MAP3K10: variants seen among roughly 807,000 people sequenced by gnomAD.
MAP3K10 encodes the protein mitogen-activated protein kinase kinase kinase 10.
In MAP3K10, 22 loss-of-function variants were observed where a neutral mutation model predicts 75.0. That is an observed-to-expected ratio of 0.29 (90% CI 0.21 to 0.42). The LOEUF (loss-of-function observed/expected upper bound fraction) is 0.42, where lower values mean the gene tolerates loss of function less well. MAP3K10 is among the 10% of genes least tolerant of loss of function. The probability of loss-of-function intolerance (pLI) is 1.00; values close to 1 mark genes in which losing one functional copy is unlikely to be tolerated. For synonymous variants in MAP3K10, 599 were observed against 612.9 expected, an observed-to-expected ratio of 0.98 and a Z score of 0.34; for missense variants, 1,165 against 1,379.8, an observed-to-expected ratio of 0.84 and a Z score of 2.47.
chr19:40,213,682 G>A lies in MAP3K10; in HGVS notation c.2003G>A (p.Arg668Gln). 9.0e-7 allele frequency: 1 copy of A among 1,105,512 alleles called. No homozygotes were observed. Among genetic ancestry groups the A allele is most frequent in the African/African-American group, 1.7e-5 (1 of 58,682 alleles). The allele number at this position is 1,105,512 out of a possible 1,614,324, so 68.5% of individuals were successfully genotyped here. A position where few individuals can be genotyped will look rare whatever the true frequency, so the allele number is the denominator to read the frequency against. ...CCCGCTCGGTGGGGACACGGCGCCC[G>A]GCGGCGCTGCGACCTGGCGCTGCTA... ...APPARWGHGA[R>Q]RRCDLALLGC... Residue 668 changes from arginine to glutamine, a missense_variant, in exon 9 of 10, where the codon CGG becomes CAG. Arg to Gln is a conservative substitution (Grantham distance 43). Around this residue, in one of 2 missense-constraint regions of MAP3K10, gnomAD observed 590 missense variants for 586.6 expected, o/e 1.01. Transcript: ENST00000253055. This position sits in a 1 kb window ranked among gnomAD's most constrained non-coding sequence, Gnocchi z 5.7.
rs1300576551 is a variant in MAP3K10, at chr19:40,191,472, G to A, written c.-560G>A. On this transcript the variant is annotated 5_prime_UTR_variant, in exon 1 of 10. Transcript: ENST00000253055. ...GCCCGGGGAAGCAGCACGGGCGGGGGGCAGGGGCTGGGGCCGACCGGGAGG... is the reference window on the plus strand; with the variant it reads ...GCCCGGGGAAGCAGCACGGGCGGGGAGCAGGGGCTGGGGCCGACCGGGAGG... Among the ~76,000 whole-genome samples, 4 of 151,368 alleles carry A rather than the reference G, an allele frequency of 2.6e-5. No individual in the cohort carries two copies. The highest frequency in any genetic ancestry group is 4.4e-5 in the Non-Finnish European group (3 of 67,772).
In MAP3K10 at chr19:40,198,266, C is replaced by T; in HGVS notation, c.683-109C>T. The T allele has an allele frequency of 9.3e-7, 1 of 1,079,386 alleles. No individual in the cohort carries two copies. The highest frequency in any genetic ancestry group is 1.6e-5 in the African/African-American group (1 of 63,704). 66.9% of individuals were successfully genotyped at this position (1,079,386 alleles called of 1,614,324 possible). On this transcript the variant is annotated intron_variant, in intron 1 of 9. Transcript: ENST00000253055. The surrounding 1 kb of genome is among the most constrained non-coding windows in gnomAD (Gnocchi z 4.3). The stretch of plus-strand genomic sequence containing the variant: ...AGGACCTGCCACAGAGCGGGGCAGC[C>T]TGAGGCAGTGAGAGGAAAGACGTGT...
Position 40,213,938 on chromosome 19 carries a change from C to A in MAP3K10, c.2259C>A (p.Ser753=). Residue 753 remains serine (S), a synonymous_variant, in exon 9 of 10, where the codon TCC becomes TCA. Coordinates refer to ENST00000253055, the MANE Select transcript of MAP3K10 (RefSeq NM_002446.4). This position sits in a 1 kb window ranked among gnomAD's most constrained non-coding sequence, Gnocchi z 5.7. The part of the protein sequence containing the change: ...SATLVSLSSV[S]DCNSTRSLLR... The stretch of plus-strand genomic sequence containing the variant: ...CCCTCGTGTCGCTGTCGTCCGTGTC[C>A]GACTGCAACTCCACGCGTTCACTGC... 3 of 1,530,032 alleles carry A rather than the reference C, an allele frequency of 2.0e-6. No homozygotes were observed. The highest frequency in any genetic ancestry group is 2.6e-6 in the Non-Finnish European group (3 of 1,146,370). 94.8% of individuals were successfully genotyped at this position (1,530,032 alleles called of 1,614,324 possible). A position where few individuals can be genotyped will look rare whatever the true frequency, so the allele number is the denominator to read the frequency against.
chr19:40,205,465 GA>G lies in MAP3K10; in HGVS notation c.1188+174del. The stretch of plus-strand genomic sequence containing the variant: ...CAGCCTCCTGTTGGTGGATTAATAA[GA>G]AAAAGGCACCCTGTACTGAAGTACT... On this transcript the variant is annotated intron_variant, in intron 4 of 9. Coordinates refer to ENST00000253055, the MANE Select transcript of MAP3K10 (RefSeq NM_002446.4). The surrounding 1 kb of genome is among the most constrained non-coding windows in gnomAD (Gnocchi z 4.3). 3.0e-6 allele frequency: 2 copies of G among 669,948 alleles called. No homozygotes were observed. The highest frequency in any genetic ancestry group is 2.0e-5 in the South Asian group (1 of 49,628). The allele number at this position is 669,948 out of a possible 1,614,324, so 41.5% of individuals were successfully genotyped here.
Position 40,213,994 on chromosome 19 carries a change from CCG to C in MAP3K10, c.2319_2320del (p.Pro774LeufsTer77), listed in dbSNP as rs1477081019. The stretch of plus-strand genomic sequence containing the variant: ...TCTGACAGTGACGAGGCCGCACCGG[CCG>C]CGCCCTCCCCACCACCCTCCCCGCC... On this transcript the variant is annotated frameshift_variant, in exon 9 of 10. Transcript: ENST00000253055. LOFTEE classifies it high-confidence loss of function. The surrounding 1 kb of genome is among the most constrained non-coding windows in gnomAD (Gnocchi z 5.7). 6.6e-7 allele frequency: 1 copy of C among 1,525,484 alleles called. No homozygotes were observed. Among genetic ancestry groups the C allele is most frequent in the Non-Finnish European group, 8.8e-7 (1 of 1,142,340 alleles). 94.5% of individuals were successfully genotyped at this position (1,525,484 alleles called of 1,614,324 possible). A position where few individuals can be genotyped will look rare whatever the true frequency, so the allele number is the denominator to read the frequency against.
Position 40,212,728 on chromosome 19 carries a change from G to A in MAP3K10, c.1553-77G>A, listed in dbSNP as rs1973262588. 1 of 1,539,966 alleles carries A rather than the reference G, an allele frequency of 6.5e-7. No homozygotes were observed. The highest frequency in any genetic ancestry group is 1.4e-5 in the African/African-American group (1 of 72,918). On this transcript the variant is annotated intron_variant, in intron 6 of 9. Transcript: ENST00000253055. This position sits in a 1 kb window ranked among gnomAD's most constrained non-coding sequence, Gnocchi z 4.2. ...ACTCCCAGGCGGAGGGTGGGCCTGA[G>A]CTGGGGGCACTGGAGGCTGGGAGCC...
At position 40,212,205 on chromosome 19, in the gene MAP3K10, C is replaced by T. The variant is rs1376823200; in HGVS notation, c.1553-600C>T. 6.6e-6 allele frequency among the ~76,000 whole-genome samples: 1 copy of T among 152,148 alleles called. No individual in the cohort carries two copies. Among genetic ancestry groups the T allele is most frequent in the Non-Finnish European group, 1.5e-5 (1 of 68,016 alleles). ...CTTGGAAGGGACAGATGTCCACAGT[C>T]GGGGCTATATGGCAGAGACACGGTC... is the stretch of plus-strand genomic sequence containing the variant. On this transcript the variant is annotated intron_variant, in intron 6 of 9. Coordinates refer to ENST00000253055, the MANE Select transcript of MAP3K10 (RefSeq NM_002446.4). The surrounding 1 kb of genome is among the most constrained non-coding windows in gnomAD (Gnocchi z 4.2).
intron 1 of MAP3K10, among the ~76,000 whole-genome samples, chr19:40,195,154 A>G (rs1568486616): frequency 1.3e-5 from 2 of 152,146 alleles, no homozygotes; most frequent in Non-Finnish European, 2.9e-5. Context: ...GGCTGGCAGG[A>G]GCCAGATCAC....
chr19:40,213,886 C>G lies in MAP3K10; in HGVS notation c.2207C>G (p.Pro736Arg), dbSNP rs770902476. The stretch of plus-strand genomic sequence containing the variant: ...CACGGCCGCCGCGAAGACGTGGGCC[C>G]CGGCCTGGGCCTGGCGCCCTCGGCC... ...RPHGRREDVGPGLGLAPSATL... is the reference protein window; with the variant it reads ...RPHGRREDVGRGLGLAPSATL... Residue 736 changes from proline to arginine, a missense_variant, in exon 9 of 10, where the codon CCC becomes CGC. Coordinates refer to ENST00000253055, the MANE Select transcript of MAP3K10 (RefSeq NM_002446.4). This position sits in a 1 kb window ranked among gnomAD's most constrained non-coding sequence, Gnocchi z 5.7. 1.4e-6 allele frequency: 2 copies of G among 1,475,396 alleles called. No homozygotes were observed. The highest frequency in any genetic ancestry group is 1.3e-5 in the South Asian group (1 of 77,696). 91.4% of individuals were successfully genotyped at this position (1,475,396 alleles called of 1,614,324 possible).
chr19:40,208,086 T>C (rs549331585), intron 5 of MAP3K10, among the ~76,000 whole-genome samples: 36 of 152,260 alleles, frequency 2.4e-4, no homozygotes, highest in Admixed American at 2.0e-3. Context: ...AAAAAGTACA[T>C]ATACATACCC....
In MAP3K10 at chr19:40,213,466, G is replaced by A. The variant is rs1437563558; in HGVS notation, c.1838-51G>A. 3.8e-6 allele frequency: 6 copies of A among 1,595,644 alleles called. No individual in the cohort carries two copies. The highest frequency in any genetic ancestry group is 2.3e-5 in the East Asian group (1 of 44,082). On this transcript the variant is annotated intron_variant, in intron 8 of 9. Transcript: ENST00000253055. The surrounding 1 kb of genome is among the most constrained non-coding windows in gnomAD (Gnocchi z 5.7). ...GGGCTGTCCCTTGGCACAAGTCCCC[G>A]TGGGGCCCTGGCCAGCCCTGCAGCG...
rs1157299479 is a variant in MAP3K10, at chr19:40,212,459, A to G, written c.1553-346A>G. Among the ~76,000 whole-genome samples the G allele has an allele frequency of 6.6e-6, 1 of 152,194 alleles. No homozygotes were observed. Among genetic ancestry groups the G allele is most frequent in the Non-Finnish European group, 1.5e-5 (1 of 68,032 alleles). ...CAGAGCATTGCAGGTACAGAGATGAAGGCAGCTGACCCCCAGGGAACTAAC... is the reference window on the plus strand; with the variant it reads ...CAGAGCATTGCAGGTACAGAGATGAGGGCAGCTGACCCCCAGGGAACTAAC... On this transcript the variant is annotated intron_variant, in intron 6 of 9. Transcript: ENST00000253055. The surrounding 1 kb of genome is among the most constrained non-coding windows in gnomAD (Gnocchi z 4.2).
At chr19:40,202,775 G>C (rs1332532095) in intron 2 of MAP3K10, among the ~76,000 whole-genome samples, 2 of 151,940 alleles carry the variant, frequency 1.3e-5, no homozygotes, top group Non-Finnish European at 2.9e-5. Context: ...ACTCTTTCCC[G>C]GCCGGGCACC....
At position 40,215,283 on chromosome 19, in the gene MAP3K10, C is replaced by T; in HGVS notation, c.2856C>T (p.Gly952=). The stretch of plus-strand genomic sequence containing the variant: ...CAGTGCCCCTGTGCGGGGCCCACGG[C>T]TCCCACTAAGGCCTGCCCACCACCG... ...DSTVPLCGAH[G]SH The change falls in exon 10 of 10, where the codon GGC becomes GGT. Residue 952 remains glycine (G), a synonymous_variant. Transcript: ENST00000253055. 1 of 1,545,510 alleles carries T rather than the reference C, an allele frequency of 6.5e-7. No homozygotes were observed. Among genetic ancestry groups the T allele is most frequent in the South Asian group, 1.2e-5 (1 of 83,968 alleles).
At chr19:40,211,151 G>A (rs1236228566) in intron 6 of MAP3K10, among the ~76,000 whole-genome samples, 1 of 152,164 alleles carries the variant, frequency 6.6e-6, no homozygotes, top group Non-Finnish European at 1.5e-5. Flanking sequence ...GGCGGAGGGA[G>A]CAGCAAAGGC....
chr19:40,205,826 C>A lies in MAP3K10; in HGVS notation c.1189-85C>A. On this transcript the variant is annotated intron_variant, in intron 4 of 9. Coordinates refer to ENST00000253055, the MANE Select transcript of MAP3K10 (RefSeq NM_002446.4). The surrounding 1 kb of genome is among the most constrained non-coding windows in gnomAD (Gnocchi z 4.3). Reference sequence around the variant, plus strand: ...CAGCAAGGTACCCTTGTGTGAGGCACCAACCAGACGCAGCAGCCCTGGGTC... The same window carrying A: ...CAGCAAGGTACCCTTGTGTGAGGCAACAACCAGACGCAGCAGCCCTGGGTC... 7.2e-7 allele frequency: 1 copy of A among 1,392,424 alleles called. No individual in the cohort carries two copies. Among genetic ancestry groups the A allele is most frequent in the Non-Finnish European group, 9.5e-7 (1 of 1,057,460 alleles). The allele number at this position is 1,392,424 out of a possible 1,614,324, so 86.3% of individuals were successfully genotyped here. A position where few individuals can be genotyped will look rare whatever the true frequency, so the allele number is the denominator to read the frequency against.
In MAP3K10 at chr19:40,192,033, TGGAGGA is replaced by T. The variant is rs1295733044; in HGVS notation, c.11_16del (p.GluGlu4_?5). 3 of 1,374,802 alleles carry T rather than the reference TGGAGGA, an allele frequency of 2.2e-6. No homozygotes were observed. Among genetic ancestry groups the T allele is most frequent in the Non-Finnish European group, 1.9e-6 (2 of 1,051,832 alleles). The allele number at this position is 1,374,802 out of a possible 1,614,324, so 85.2% of individuals were successfully genotyped here. A position where few individuals can be genotyped will look rare whatever the true frequency, so the allele number is the denominator to read the frequency against. On this transcript the variant is annotated start_lost and inframe_deletion, in exon 1 of 10. Coordinates refer to ENST00000253055, the MANE Select transcript of MAP3K10 (RefSeq NM_002446.4). This position sits in a 1 kb window ranked among gnomAD's most constrained non-coding sequence, Gnocchi z 7.1. ...CCCGCAGCCCCCGGCCCCTCCCCCA[TGGAGGA>T]GGAGGAGGGGGCGGTGGCCAAGGAG...
At chr19:40,203,588 C>T (rs923684375) in intron 2 of MAP3K10, among the ~76,000 whole-genome samples, 3 of 152,224 alleles carry the variant, frequency 2.0e-5, no homozygotes, top group Admixed American at 6.5e-5. Flanking sequence ...AGCTGTGTGA[C>T]CTTGGGCAAG....
At position 40,192,930 on chromosome 19, in the gene MAP3K10, G is replaced by A. The variant is rs1382651217; in HGVS notation, c.682+217G>A. 1.3e-5 allele frequency among the ~76,000 whole-genome samples: 2 copies of A among 152,204 alleles called. No individual in the cohort carries two copies. The highest frequency in any genetic ancestry group is 4.8e-5 in the African/African-American group (2 of 41,462). ...GTTGAAGGACTTACCTGCCTCCCAG[G>A]CTGCAGAGTCACAATCGCTCAGTAA... is the stretch of plus-strand genomic sequence containing the variant. On this transcript the variant is annotated intron_variant, in intron 1 of 9. Coordinates refer to ENST00000253055, the MANE Select transcript of MAP3K10 (RefSeq NM_002446.4). This position sits in a 1 kb window ranked among gnomAD's most constrained non-coding sequence, Gnocchi z 7.1.
Sources: allele counts gnomAD v4.1 joint callset (sites outside exome capture counted in the v4.1 genomes callset), GRCh38; gene constraint gnomAD v4.1.1; regional missense constraint gnomAD v4.1.1; non-coding constraint Gnocchi (gnomAD v3.1); transcripts MANE v1.5; gene names NCBI Gene and HGNC (gene_info 2026-07-23, HGNC 2026-07-21).